Variants in FBLN2 observed in about 807,000 individuals in gnomAD.
FBLN2 encodes fibulin 2.
Under a neutral mutation model 123.7 loss-of-function variants are expected in FBLN2, and 81 were observed. The observed-to-expected ratio is 0.65, with a 90% confidence interval of 0.55 to 0.79. The LOEUF (loss-of-function observed/expected upper bound fraction) is 0.79. Ranked by LOEUF, FBLN2 falls within the 30% of genes least tolerant of loss-of-function variation. The probability of loss-of-function intolerance (pLI) is 0.00; values close to 1 mark genes in which losing one functional copy is unlikely to be tolerated. For synonymous variants in FBLN2, 699 were observed against 701.4 expected (o/e 1.00, Z 0.05); for missense variants, 1,603 against 1,681.3 (o/e 0.95, Z 0.81).
chr3:13,601,839 C>T (rs543304953), intron 2 of FBLN2, among the ~76,000 whole-genome samples: 2 of 152,236 alleles, frequency 1.3e-5, no homozygotes, highest in South Asian at 4.2e-4. Flanking sequence ...TCTTTGTCAC[C>T]CAAGTTGAAG....
rs1706107017 is a variant in FBLN2 at position 13,627,949 on chromosome 3, A to T, written c.2549A>T (p.Asp850Val). 6.2e-7 allele frequency: 1 copy of T among 1,613,564 alleles called. No individual in the cohort carries two copies. The highest frequency in any genetic ancestry group is 2.2e-5 in the East Asian group (1 of 44,862). ...CGCTGCATGGATGGCTTCCTGCAGGATCCTGAAGGCAACTGTGTGGGTGAG... is the reference window on the plus strand; with the variant it reads ...CGCTGCATGGATGGCTTCCTGCAGGTTCCTGAAGGCAACTGTGTGGGTGAG... ...RQRCMDGFLQ[D>V]PEGNCVDINE... Residue 850 changes from aspartate (D) to valine (V), a missense_variant, in exon 11 of 18, where the codon GAT becomes GTT. Transcript: ENST00000404922.
At chr3:13,564,679 T>A (rs758426801) in intron 1 of FBLN2, among the ~76,000 whole-genome samples, 3 of 152,212 alleles carry the variant, frequency 2.0e-5, no homozygotes, top group Non-Finnish European at 2.9e-5. Context: ...CAGTGTCATA[T>A]CCTGTGGCCT....
At chr3:13,564,779 C>T (rs1438904519) in intron 1 of FBLN2, among the ~76,000 whole-genome samples, 4 of 152,214 alleles carry the variant, frequency 2.6e-5, no homozygotes, top group Admixed American at 1.3e-4. Context: ...CCAGTGTCCT[C>T]GCCAGCCCAG....
chr3:13,616,029 C>T (rs138404126), intron 5 of FBLN2, among the ~76,000 whole-genome samples: 1 of 152,152 alleles, frequency 6.6e-6, no homozygotes, highest in Non-Finnish European at 1.5e-5. Context: ...AGAACAGATA[C>T]CTGGATCTCC....
At chr3:13,582,498 G>A (rs1704365005) in intron 2 of FBLN2, among the ~76,000 whole-genome samples, 1 of 152,206 alleles carries the variant, frequency 6.6e-6, no homozygotes, top group African/African-American at 2.4e-5. Context: ...AGAATTGTGT[G>A]GGCTGGGGCT....
chr3:13,631,595 C>G, intron 16 of FBLN2, 138 bp downstream of exon 16: 9 of 1,039,106 alleles, frequency 8.7e-6, no homozygotes, highest in Non-Finnish European at 1.2e-5. Flanking sequence ...GCCAATGCTA[C>G]CAGTGGCCAT....
intron 1 of FBLN2, among the ~76,000 whole-genome samples, chr3:13,560,435 G>A (rs1052562775): frequency 6.6e-6 from 1 of 152,186 alleles, no homozygotes; most frequent in Non-Finnish European, 1.5e-5. Flanking sequence ...TACTTCACGT[G>A]TAGGGCTTGC....
intron 2 of FBLN2, among the ~76,000 whole-genome samples, chr3:13,572,366 C>T (rs139060161): frequency 3.9e-5 from 6 of 152,340 alleles, no homozygotes; most frequent in South Asian, 2.1e-4. Flanking sequence ...CCAGCAGCAC[C>T]GAGTGCTTAC....
intron 1 of FBLN2, among the ~76,000 whole-genome samples, chr3:13,569,986 G>T (rs1415792598): frequency 2.0e-5 from 3 of 152,108 alleles, no homozygotes; most frequent in Non-Finnish European, 4.4e-5. Context: ...GCATGTGTGT[G>T]TGTGGGCACG....
chr3:13,562,218 C>T lies in FBLN2; in HGVS notation c.-41-8097C>T, dbSNP rs759293351. Among the ~76,000 whole-genome samples, 6 of 152,186 alleles carry T rather than the reference C, an allele frequency of 3.9e-5. No individual in the cohort carries two copies. In the East Asian group the frequency reaches 9.6e-4, roughly 24 times the overall value. Reference sequence around the variant, plus strand: ...CTAAGGGGAGGTCTCAGGAGCAGCCCTTATTTCCTGTCCATCTTCAGTGCA... The same window carrying T: ...CTAAGGGGAGGTCTCAGGAGCAGCCTTTATTTCCTGTCCATCTTCAGTGCA... On this transcript the variant is annotated intron_variant, in intron 1 of 17. Coordinates refer to ENST00000404922, the MANE Select transcript of FBLN2 (RefSeq NM_001004019.2).
chr3:13,624,724 C>T (rs954570752), intron 9 of FBLN2, among the ~76,000 whole-genome samples: 1 of 152,270 alleles, frequency 6.6e-6, no homozygotes, highest in Non-Finnish European at 1.5e-5. Flanking sequence ...CCCAAGCCTC[C>T]ACCTGCCTGT....
chr3:13,621,251 C>T (rs1258371052), intron 8 of FBLN2, among the ~76,000 whole-genome samples: 1 of 152,262 alleles, frequency 6.6e-6, no homozygotes, highest in Non-Finnish European at 1.5e-5. Context: ...AAGTGAGTTC[C>T]AAACGTGTTG....
At chr3:13,581,487 G>A (rs7615835) in intron 2 of FBLN2, among the ~76,000 whole-genome samples, 102,873 of 151,970 alleles carry the variant, frequency 0.68, 36,274 homozygotes, top group East Asian at 0.99. Flanking sequence ...CCAATCAGAC[G>A]TGGAGGCTGA....
chr3:13,624,565 G>GT (rs1705960149), intron 9 of FBLN2, among the ~76,000 whole-genome samples: 1 of 152,208 alleles, frequency 6.6e-6, no homozygotes, highest in Non-Finnish European at 1.5e-5. Flanking sequence ...TCACCTGTGA[G>GT]TTTGGGAGGG....
chr3:13,570,852 G>A lies in FBLN2; in HGVS notation c.497G>A (p.Gly166Asp), dbSNP rs989925080. The change falls in exon 2 of 18, where the codon GGT (glycine) becomes GAT (aspartate). Residue 166 changes from glycine to aspartate, a missense_variant. Physicochemically the swap from Gly to Asp is moderately conservative, Grantham distance 94 (BLOSUM62 -1). Transcript: ENST00000404922. Reference sequence around the variant, plus strand: ...CGGGCCTGCCACTGCCCTGACGCCGGTGGAGAGCTCATCTGCTACCAGCTC... The same window carrying A: ...CGGGCCTGCCACTGCCCTGACGCCGATGGAGAGCTCATCTGCTACCAGCTC... ...PCRACHCPDA[G>D]GELICYQLPG... is the part of the protein sequence containing the mutation. The A allele has an allele frequency of 1.2e-6, 2 of 1,609,838 alleles. No individual in the cohort carries two copies. The highest frequency in any genetic ancestry group is 2.2e-5 in the East Asian group (1 of 44,688).
rs746785711 is a variant in FBLN2 at position 13,618,905 on chromosome 3, G to A, written c.1941G>A (p.Glu647=). 1 of 1,611,692 alleles carries A rather than the reference G, an allele frequency of 6.2e-7. No individual in the cohort carries two copies. The highest frequency in any genetic ancestry group is 1.1e-5 in the South Asian group (1 of 90,472). The change falls in exon 7 of 18, where the codon GAG becomes GAA. Residue 647 remains glutamate, a splice_region_variant and synonymous_variant. Coordinates refer to ENST00000404922, the MANE Select transcript of FBLN2 (RefSeq NM_001004019.2). ...CCCACTCTGCTCTACCCATGACAGA[G>A]GGTCACCCTCCACAGCCGGAAGCCC... ...LQDDGRTCRP[E]GHPPQPEAPQ...
intron 1 of FBLN2, among the ~76,000 whole-genome samples, chr3:13,568,180 G>A (rs887136242): frequency 5.3e-5 from 8 of 152,136 alleles, no homozygotes; most frequent in African/African-American, 1.7e-4. Flanking sequence ...CTAGCACTCC[G>A]CCGGCCCTGA....
chr3:13,549,335 C>G (rs1559394419), intron 1 of FBLN2, 127 bp downstream of exon 1: 1 of 544,602 alleles, frequency 1.8e-6, no homozygotes, highest in Non-Finnish European at 2.3e-6. Context: ...GCGGGCTGCC[C>G]GCGCCTCCAC....
At position 13,625,233 on chromosome 3, in the gene FBLN2, T is replaced by C. The variant is rs1231017995; in HGVS notation, c.2297-1212T>C. On this transcript the variant is annotated intron_variant, in intron 9 of 17. Transcript: ENST00000404922. Reference sequence around the variant, plus strand: ...TTCTGAGTTGGTGGCCTCTGTGGCCTGGGGGTGGTTTCTGAGTTGGTGGCC... The same window carrying C: ...TTCTGAGTTGGTGGCCTCTGTGGCCCGGGGGTGGTTTCTGAGTTGGTGGCC... Among the ~76,000 whole-genome samples, 5 of 146,956 alleles carry C rather than the reference T, an allele frequency of 3.4e-5. No individual in the cohort carries two copies. The East Asian group carries it at 6.0e-4, about 18-fold the overall frequency.
Sources: gnomAD v4.1 joint callset for allele counts (sites outside exome capture counted in the v4.1 genomes callset) on GRCh38, gnomAD v4.1.1 for gene constraint, MANE v1.5 for transcripts, NCBI Gene and HGNC (gene_info 2026-07-23, HGNC 2026-07-21) for gene names.